Variants in BRWD1 observed in about 807,000 individuals in gnomAD.
BRWD1 encodes bromodomain and WD repeat-containing protein 1.
Under a neutral mutation model 251.2 loss-of-function variants are expected in BRWD1, and 82 were observed. The observed-to-expected ratio is 0.33, with a 90% CI of 0.27 to 0.39. The LOEUF (loss-of-function observed/expected upper bound fraction) is 0.39. Ranked by LOEUF, BRWD1 falls within the 10% of genes least tolerant of loss-of-function variation. The pLI, the probability that BRWD1 is intolerant of heterozygous loss-of-function variation, is 1.00. For synonymous variants in BRWD1, 918 were observed against 902.8 expected, an observed-to-expected ratio of 1.02 and a Z score of -0.30; for missense variants, 2,233 against 2,711.6, an observed-to-expected ratio of 0.82 and a Z score of 3.92.
intron 5 of BRWD1, chr21:39,297,776 GTA>G (rs1222123954): frequency 7.5e-6 from 5 of 669,012 alleles, no homozygotes; most frequent in Non-Finnish European, 9.2e-6. Context: ...TGAACTTGAT[GTA>G]TACTCAGCAT....
chr21:39,277,127 A>G, intron 11 of BRWD1, 124 bp downstream of exon 11: 1 of 533,648 alleles, frequency 1.9e-6, no homozygotes, highest in Non-Finnish European at 3.1e-6. Flanking sequence ...GTTATAAATG[A>G]CAGTTCATTT....
intron 37 of BRWD1, among the ~76,000 whole-genome samples, 158 bp from the exon 38 acceptor site, chr21:39,202,703 C>A (rs1005812918): frequency 5.9e-5 from 9 of 152,144 alleles, no homozygotes; most frequent in African/African-American, 2.2e-4. Context: ...TTTATTCTGG[C>A]ACTGATTAGT....
intron 20 of BRWD1, among the ~76,000 whole-genome samples, chr21:39,249,227 G>A (rs1240492147): frequency 6.6e-6 from 1 of 152,116 alleles, no homozygotes; most frequent in Non-Finnish European, 1.5e-5. Context: ...AAAAGGGTGA[G>A]GACCGGGAAA....
intron 4 of BRWD1, among the ~76,000 whole-genome samples, chr21:39,303,519 CA>C (rs34013314): frequency 0.51 from 46,400 of 90,970 alleles, 9,514 homozygotes; most frequent in South Asian, 0.58. Context: ...ACTCCATCTC[CA>C]AAAAAAAAAA....
At chr21:39,247,015 T>C (rs896213656) in intron 21 of BRWD1, among the ~76,000 whole-genome samples, 12 of 151,590 alleles carry the variant, frequency 7.9e-5, no homozygotes, top group Admixed American at 5.2e-4. Context: ...GAGGCAGAGG[T>C]TGCAGTGAGC....
intron 10 of BRWD1, among the ~76,000 whole-genome samples, chr21:39,278,335 C>T (rs547329100): frequency 6.6e-6 from 1 of 152,204 alleles, no homozygotes; most frequent in Non-Finnish European, 1.5e-5. Flanking sequence ...AAGGTTACCA[C>T]ACAAGTTCAC....
In BRWD1 at chr21:39,191,319, A is replaced by C; in HGVS notation, c.*4940T>G. ...TATTCTGCCTGCATGAAAAGAAATT[A>C]CCAGTGGAAAAGAGGTTGGGGAACC... On this transcript the variant is annotated 3_prime_UTR_variant, in exon 41 of 41. Coordinates refer to ENST00000342449, the MANE Select transcript of BRWD1 (RefSeq NM_033656.4). The C allele has an allele frequency of 1.0e-6, 1 of 985,352 alleles. No homozygotes were observed. The highest frequency in any genetic ancestry group is 1.2e-6 in the Non-Finnish European group (1 of 829,896). 61.0% of individuals were successfully genotyped at this position (985,352 alleles called of 1,614,324 possible). A position where few individuals can be genotyped will look rare whatever the true frequency, so the allele number is the denominator to read the frequency against.
intron 37 of BRWD1, among the ~76,000 whole-genome samples, chr21:39,203,434 G>GTTTTTTTTTTTTT (rs2032210759): frequency 7.8e-5 from 5 of 64,288 alleles, no homozygotes; most frequent in Admixed American, 3.4e-4. Flanking sequence ...GCAAGACCCT[G>GTTTTTTTTTTTTT]GTTCTTTTTT....
At chr21:39,229,469 A>G in intron 25 of BRWD1, 33 bp from the exon 26 acceptor site, 1 of 1,561,966 alleles carries the variant, frequency 6.4e-7, no homozygotes, top group Non-Finnish European at 8.8e-7. Context: ...TGGTTAAAAT[A>G]AAAGCAATTC....
intron 6 of BRWD1, 46 bp from the exon 7 acceptor site, chr21:39,295,949 G>GA (rs1568965460): frequency 6.9e-7 from 1 of 1,450,106 alleles, no homozygotes; most frequent in Non-Finnish European, 9.2e-7. Flanking sequence ...AGCCAATAAG[G>GA]AAAAATCTAA....
At chr21:39,214,473 T>C (rs1388098556) in intron 32 of BRWD1, among the ~76,000 whole-genome samples, 1 of 152,064 alleles carries the variant, frequency 6.6e-6, no homozygotes, top group Non-Finnish European at 1.5e-5. Flanking sequence ...ATAAAAATGA[T>C]GAGGTGATAA....
upstream of BRWD1, among the ~76,000 whole-genome samples, chr21:39,317,739 G>C (rs549851234): frequency 6.6e-6 from 1 of 152,318 alleles, no homozygotes; most frequent in South Asian, 2.1e-4. Context: ...CTTAGATTCT[G>C]TTATTCCCAT....
rs200286824 is a variant in BRWD1, at chr21:39,277,367, T to C, written c.1004-16A>G. On this transcript the variant is annotated splice_polypyrimidine_tract_variant and intron_variant, in intron 10 of 40. Transcript: ENST00000342449. ...AACATACCACCTGAAATAAAAATGG[T>C]AAGGTTTAAACATCCAGTTTATAAC... is the stretch of plus-strand genomic sequence containing the variant. The C allele has an allele frequency of 1.3e-6, 2 of 1,533,232 alleles. No homozygotes were observed. The highest frequency in any genetic ancestry group is 2.8e-5 in the African/African-American group (2 of 72,556). The allele number at this position is 1,533,232 out of a possible 1,614,324, so 95.0% of individuals were successfully genotyped here.
At chr21:39,238,406 T>TA (rs765761126) in intron 22 of BRWD1, 73 bp downstream of exon 22, 227 of 1,281,642 alleles carry the variant, frequency 1.8e-4, no homozygotes, top group Non-Finnish European at 2.4e-4. Context: ...GCCTCTTGAA[T>TA]AAAATTCAAG....
At chr21:39,291,064 A>T (rs564186471) in intron 8 of BRWD1, among the ~76,000 whole-genome samples, 1 of 152,266 alleles carries the variant, frequency 6.6e-6, no homozygotes. Flanking sequence ...GGCTGAGGTT[A>T]CAGTGAGCCA....
In BRWD1 at chr21:39,196,849, T is replaced by G; in HGVS notation, c.6220A>C (p.Thr2074Pro). Residue 2074 changes from threonine to proline, a missense_variant, in exon 41 of 41, where the codon ACC (threonine) becomes CCC (proline). Around this residue, in one of 12 missense-constraint regions of BRWD1, gnomAD observed 928 missense variants for 970.0 expected, o/e 0.96. Coordinates refer to ENST00000342449, the MANE Select transcript of BRWD1 (RefSeq NM_033656.4). ...ETDRTFSSES[T>P]LAQKATAENN... ...TCTGCAGTAGCTTTTTGTGCCAAGG[T>G]TGACTCTGAAGAAAATGTCCTATCA... 1 of 1,613,742 alleles carries G rather than the reference T, an allele frequency of 6.2e-7. No individual in the cohort carries two copies. Among genetic ancestry groups the G allele is most frequent in the South Asian group, 1.1e-5 (1 of 91,080 alleles).
chr21:39,187,565 G>C lies in BRWD1; in HGVS notation c.*8694C>G. The C allele has an allele frequency of 7.2e-7, 1 of 1,387,100 alleles. No individual in the cohort carries two copies. The highest frequency in any genetic ancestry group is 9.3e-7 in the Non-Finnish European group (1 of 1,077,072). The allele number at this position is 1,387,100 out of a possible 1,614,324, so 85.9% of individuals were successfully genotyped here. On this transcript the variant is annotated 3_prime_UTR_variant, in exon 41 of 41. Coordinates refer to ENST00000342449, the MANE Select transcript of BRWD1 (RefSeq NM_033656.4). ...GATAAATTTTAAAATGTGATACTAA[G>C]GGCTTCTTCACATTGATATAACCTT...
chr21:39,312,904 G>GA lies in BRWD1; in HGVS notation c.139-5dup. 6.9e-7 allele frequency: 1 copy of GA among 1,447,646 alleles called. No homozygotes were observed. The highest frequency in any genetic ancestry group is 1.2e-5 in the South Asian group (1 of 84,816). 89.7% of individuals were successfully genotyped at this position (1,447,646 alleles called of 1,614,324 possible). ...AGTCCAATCTCTTCGGCAACAACTG[G>GA]AAAGACACGAAACGCACACGAGTGA... On this transcript the variant is annotated splice_region_variant and splice_polypyrimidine_tract_variant and intron_variant, in intron 3 of 40. Coordinates refer to ENST00000342449, the MANE Select transcript of BRWD1 (RefSeq NM_033656.4).
chr21:39,214,327 G>T (rs186197565), intron 32 of BRWD1, among the ~76,000 whole-genome samples: 10 of 152,150 alleles, frequency 6.6e-5, no homozygotes, highest in Non-Finnish European at 1.2e-4. Context: ...ATATTCACAC[G>T]TATACAAACA....
Sources: allele counts gnomAD v4.1 joint callset (sites outside exome capture counted in the v4.1 genomes callset), GRCh38; gene constraint gnomAD v4.1.1; regional missense constraint gnomAD v4.1.1; transcripts MANE v1.5; gene names NCBI Gene and HGNC (gene_info 2026-07-23, HGNC 2026-07-21).